The following UBE2E3 variants were observed in gnomAD, a reference collection of about 807,000 sequenced individuals.
UBE2E3 encodes ubiquitin conjugating enzyme E2 E3, also known as ubiquitin-conjugating enzyme E2 E3.
A neutral mutation model predicts 23.6 loss-of-function variants in UBE2E3; 5 were observed. That is an observed-to-expected ratio of 0.21 (90% CI 0.11 to 0.44). The LOEUF is 0.44. UBE2E3 is among the 20% of genes least tolerant of loss of function. The pLI is 0.99. For missense variants in UBE2E3, 81 were observed against 249.8 expected, an observed-to-expected ratio of 0.32 and a Z score of 4.55; for synonymous variants, 78 against 87.5, an observed-to-expected ratio of 0.89 and a Z score of 0.60.
rs185293911 is a variant in UBE2E3, at chr2:181,010,320, A to C, written c.245+26227A>C. On this transcript the variant is annotated intron_variant, in intron 3 of 5. Transcript: ENST00000410062. The stretch of plus-strand genomic sequence containing the variant: ...ACTATGATACTATTTCTTGTCAGTC[A>C]TATTCTGTATTTTCAATACAGATTA... Among the ~76,000 whole-genome samples the C allele has an allele frequency of 4.6e-5, 7 of 152,228 alleles. No individual in the cohort carries two copies. In the East Asian group the frequency reaches 1.4e-3, roughly 29 times the overall value.
At chr2:181,038,461 A>G (rs1482564750) in intron 3 of UBE2E3, among the ~76,000 whole-genome samples, 1 of 152,242 alleles carries the variant, frequency 6.6e-6, no homozygotes, top group Non-Finnish European at 1.5e-5. Flanking sequence ...ACATGACCAT[A>G]CAAAAATTAA....
chr2:180,994,882 C>CT (rs1159115425), intron 3 of UBE2E3, among the ~76,000 whole-genome samples: 2 of 152,162 alleles, frequency 1.3e-5, no homozygotes, highest in Non-Finnish European at 1.5e-5. Context: ...TTTATCAAAA[C>CT]TTACACAGTC....
intron 3 of UBE2E3, among the ~76,000 whole-genome samples, chr2:180,991,777 C>T (rs1684666327): frequency 6.6e-6 from 1 of 152,104 alleles, no homozygotes; most frequent in Admixed American, 6.5e-5. Flanking sequence ...TGGACTAGAG[C>T]ATATACAGTA....
chr2:181,020,564 C>G (rs1299617623), intron 3 of UBE2E3, among the ~76,000 whole-genome samples: 1 of 152,098 alleles, frequency 6.6e-6, no homozygotes, highest in African/African-American at 2.4e-5. Flanking sequence ...GAATTATTTC[C>G]TTTGTTTTTA....
intron 3 of UBE2E3, among the ~76,000 whole-genome samples, chr2:181,004,501 T>TA (rs1685085909): frequency 6.6e-6 from 1 of 151,898 alleles, no homozygotes; most frequent in African/African-American, 2.4e-5. Context: ...GGCCTGGTGG[T>TA]ATGCACCTGT....
At chr2:181,030,933 A>G (rs1686059241) in intron 3 of UBE2E3, among the ~76,000 whole-genome samples, 2 of 151,928 alleles carry the variant, frequency 1.3e-5, no homozygotes, top group South Asian at 4.1e-4. Flanking sequence ...TATTGACACT[A>G]TTTTGTGTTT....
At position 180,982,083 on chromosome 2, in the gene UBE2E3, G is replaced by C; in HGVS notation, c.41G>C (p.Ser14Thr). The C allele has an allele frequency of 6.2e-7, 1 of 1,609,186 alleles. No homozygotes were observed. The highest frequency in any genetic ancestry group is 8.5e-7 in the Non-Finnish European group (1 of 1,178,432). ...CAAAGGTCCGATGATGAGAGCCCCA[G>C]CACCAGCAGTGGCAGTTCAGATGCG... Reference protein sequence around the residue: ...DRQRSDDESPSTSSGSSDADQ... With the variant: ...DRQRSDDESPTTSSGSSDADQ... The change falls in exon 2 of 6, where the codon AGC becomes ACC. Residue 14 changes from serine to threonine, a missense_variant. Coordinates refer to ENST00000410062, the MANE Select transcript of UBE2E3 (RefSeq NM_006357.4).
intron 3 of UBE2E3, among the ~76,000 whole-genome samples, chr2:181,031,838 G>C (rs960673078): frequency 3.9e-5 from 6 of 152,106 alleles, no homozygotes; most frequent in Admixed American, 3.9e-4. Flanking sequence ...TCTAGTATAA[G>C]ACAATGATTG....
chr2:181,039,123 C>CTTTTTTTTTTTTTTTTTTTTTTTTTTTT (rs11289425), intron 3 of UBE2E3, among the ~76,000 whole-genome samples: 3 of 66,258 alleles, frequency 4.5e-5, no homozygotes, highest in Non-Finnish European at 8.3e-5. Flanking sequence ...AGAATGTGAC[C>CTTTTTTTTTTTTTTTTTTTTTTTTTTTT]TTTTTTTTTT....
chr2:181,028,350 T>G (rs1574198069), intron 3 of UBE2E3, among the ~76,000 whole-genome samples: 1 of 152,106 alleles, frequency 6.6e-6, no homozygotes, highest in Non-Finnish European at 1.5e-5. Flanking sequence ...TTTGTCACTA[T>G]GAACAATCGT....
rs147848082 is a variant in UBE2E3, at chr2:181,007,859, A to C, written c.245+23766A>C. On this transcript the variant is annotated intron_variant, in intron 3 of 5. Transcript: ENST00000410062. ...CTAGTGTGAATAAGAAACTGAATTT[A>C]TAATTCAATTTTAATTATTTTAAAT... 2.6e-5 allele frequency among the ~76,000 whole-genome samples: 4 copies of C among 152,378 alleles called. No individual in the cohort carries two copies. The East Asian group carries it at 5.8e-4, about 22-fold the overall frequency.
intron 3 of UBE2E3, among the ~76,000 whole-genome samples, chr2:181,022,754 A>G (rs948802144): frequency 5.9e-5 from 9 of 151,968 alleles, no homozygotes; most frequent in African/African-American, 2.2e-4. Flanking sequence ...AAAAAACCCC[A>G]CAGGTTTACA....
intron 3 of UBE2E3, among the ~76,000 whole-genome samples, chr2:181,047,505 C>T (rs868097072): frequency 7.2e-5 from 11 of 152,170 alleles, no homozygotes; most frequent in Middle Eastern, 3.4e-3. Context: ...TTTTTTTCAA[C>T]ATCCATATCT....
At chr2:181,020,128 C>A (rs1028487926) in intron 3 of UBE2E3, among the ~76,000 whole-genome samples, 1 of 152,150 alleles carries the variant, frequency 6.6e-6, no homozygotes, top group South Asian at 2.1e-4. Flanking sequence ...TAACCAAGTA[C>A]CACAAATTGG....
chr2:181,034,332 G>C (rs1199569683), intron 3 of UBE2E3, among the ~76,000 whole-genome samples: 3 of 152,172 alleles, frequency 2.0e-5, no homozygotes, highest in East Asian at 3.8e-4. Flanking sequence ...ATACACCATG[G>C]AATACTGTGC....
chr2:180,983,223 T>G (rs1684357127), intron 2 of UBE2E3, among the ~76,000 whole-genome samples: 1 of 152,248 alleles, frequency 6.6e-6, no homozygotes, highest in Non-Finnish European at 1.5e-5. Flanking sequence ...ATACTCATAT[T>G]TTTCTATGGA....
At chr2:181,018,184 TA>T (rs56072312) in intron 3 of UBE2E3, among the ~76,000 whole-genome samples, 35,288 of 151,970 alleles carry the variant, frequency 0.23, 4,461 homozygotes, top group Non-Finnish European at 0.28. Context: ...GAATGTATAA[TA>T]AAAACAGTTA....
chr2:181,051,631 C>T (rs1474010717), intron 3 of UBE2E3, among the ~76,000 whole-genome samples: 1 of 151,802 alleles, frequency 6.6e-6, no homozygotes, highest in African/African-American at 2.4e-5. Flanking sequence ...ACATTAGGAA[C>T]AGTTATTGCT....
intron 3 of UBE2E3, among the ~76,000 whole-genome samples, chr2:181,052,164 T>A (rs1436619989): frequency 6.6e-6 from 1 of 151,852 alleles, no homozygotes; most frequent in Middle Eastern, 3.2e-3. Context: ...ACCCACATCC[T>A]ATAAGAAAAT....
Sources: allele counts gnomAD v4.1 joint callset (sites outside exome capture counted in the v4.1 genomes callset), GRCh38; gene constraint gnomAD v4.1.1; transcripts MANE v1.5; gene names NCBI Gene and HGNC (gene_info 2026-07-23, HGNC 2026-07-21).